FHAD1: variants seen among roughly 807,000 people sequenced by gnomAD.
The protein encoded by FHAD1 is forkhead-associated domain-containing protein 1.
A neutral mutation model predicts 191.3 loss-of-function variants in FHAD1; 146 were observed. That is an observed-to-expected ratio of 0.76 (90% CI 0.67 to 0.88). The LOEUF is 0.88. Ranked by LOEUF, FHAD1 falls within the 40% of genes least tolerant of loss-of-function variation. The probability of loss-of-function intolerance (pLI) is 0.00; values close to 1 mark genes in which losing one functional copy is unlikely to be tolerated. For synonymous variants in FHAD1, 616 were observed against 672.3 expected (o/e 0.92, Z 1.29); for missense variants, 1,635 against 1,785.8 (o/e 0.92, Z 1.52).
chr1:15,351,358 A>T (rs529373215), intron 19 of FHAD1, among the ~76,000 whole-genome samples: 18 of 152,176 alleles, frequency 1.2e-4, no homozygotes, highest in Non-Finnish European at 2.4e-4. Flanking sequence ...AAAAATTAAA[A>T]TTAAAATAAA....
At chr1:15,301,132 T>TA in intron 5 of FHAD1, 73 bp from the exon 6 acceptor site, 2 of 1,363,804 alleles carry the variant, frequency 1.5e-6, no homozygotes, top group South Asian at 2.7e-5. Context: ...ACCCGGCCCC[T>TA]ACTTTTTTTT....
intron 27 of FHAD1, 129 bp downstream of exon 27, chr1:15,374,760 C>A: frequency 1.7e-6 from 2 of 1,172,418 alleles, no homozygotes; most frequent in East Asian, 2.8e-5. Flanking sequence ...TTGTAATACA[C>A]AAAAAGATGG....
intron 27 of FHAD1, among the ~76,000 whole-genome samples, chr1:15,375,286 C>A (rs925505527): frequency 6.6e-6 from 1 of 152,124 alleles, no homozygotes; most frequent in African/African-American, 2.4e-5. Context: ...ACTTGGGGCC[C>A]ACTGCAGGCT....
At chr1:15,237,126 A>G (rs989127248) in intron 1 of FHAD1, among the ~76,000 whole-genome samples, 2 of 152,150 alleles carry the variant, frequency 1.3e-5, no homozygotes, top group African/African-American at 4.8e-5. Flanking sequence ...TCTTTCCTTC[A>G]TAAATTACCC....
chr1:15,364,029 T>C (rs1277597711), intron 23 of FHAD1: 18 of 322,222 alleles, frequency 5.6e-5, no homozygotes, highest in Non-Finnish European at 1.0e-4. Flanking sequence ...CTAGAAACGG[T>C]GGTGCCCATG....
At chr1:15,321,660 T>TTTC (rs371698503) in intron 10 of FHAD1, among the ~76,000 whole-genome samples, 89 of 152,396 alleles carry the variant, frequency 5.8e-4, no homozygotes, top group African/African-American at 2.0e-3. Context: ...CTAGATCATT[T>TTTC]TTCTTCAGCG....
intron 2 of FHAD1, among the ~76,000 whole-genome samples, chr1:15,269,331 A>G (rs942142722): frequency 1.3e-5 from 2 of 152,172 alleles, no homozygotes; most frequent in African/African-American, 4.8e-5. Flanking sequence ...CACTGCTTTC[A>G]CTGCTTCCCA....
At chr1:15,369,562 C>T (rs1368776653) in intron 26 of FHAD1, 60 bp downstream of exon 26, 4 of 1,512,662 alleles carry the variant, frequency 2.6e-6, no homozygotes, top group East Asian at 2.5e-5. Flanking sequence ...CCAGTGGTGG[C>T]TGTCTTTCCT....
chr1:15,336,489 C>G (rs1476800452), intron 14 of FHAD1, among the ~76,000 whole-genome samples: 1 of 151,836 alleles, frequency 6.6e-6, no homozygotes, highest in Non-Finnish European at 1.5e-5. Context: ...CCTGTCTCCC[C>G]TTTCCTCTCC....
chr1:15,296,730 G>A lies in FHAD1; in HGVS notation c.615G>A (p.Gly205=), dbSNP rs1243945312. 6.4e-7 allele frequency: 1 copy of A among 1,552,034 alleles called. No homozygotes were observed. Among genetic ancestry groups the A allele is most frequent in the Non-Finnish European group, 8.7e-7 (1 of 1,147,092 alleles). ...MKLSEKSVAE[G]IPGAVPPAEI... ...TGTCAGAAAAATCAGTGGCCGAGGG[G>A]ATTCCTGGGGCAGTTCCCCCTGCGG... Residue 205 remains glycine (G), a synonymous_variant, in exon 5 of 34, where the codon GGG becomes GGA. Transcript: ENST00000688493.
upstream of FHAD1, among the ~76,000 whole-genome samples, chr1:15,244,350 A>C (rs1010985417): frequency 6.6e-6 from 1 of 152,092 alleles, no homozygotes; most frequent in Non-Finnish European, 1.5e-5. The surrounding 1 kb of genome is among the most constrained non-coding windows in gnomAD (Gnocchi z 5.1). Context: ...TTTCATTGAG[A>C]TATCAGCTAA....
At chr1:15,265,753 C>A (rs553826215) in intron 2 of FHAD1, among the ~76,000 whole-genome samples, 48 of 152,136 alleles carry the variant, frequency 3.2e-4, no homozygotes, top group Admixed American at 8.5e-4. Flanking sequence ...GGGCAGATCA[C>A]CTGAGGTCTG....
rs140088048 is a variant in FHAD1, at chr1:15,304,187, G to A, written c.915+2746G>A. ...CTGATACAATACCCCAAGACAATGC[G>A]TACCGCCATGCGGCCTGCACTGCCT... On this transcript the variant is annotated intron_variant, in intron 6 of 33. Coordinates refer to ENST00000688493, the MANE Select transcript of FHAD1 (RefSeq NM_001391957.1). 4.7e-3 allele frequency among the ~76,000 whole-genome samples: 721 copies of A among 152,310 alleles called. 6 individuals are homozygous for A. The highest frequency in any genetic ancestry group is 0.016 in the African/African-American group (667 of 41,546).
At chr1:15,286,813 G>A (rs577894363) in intron 3 of FHAD1, among the ~76,000 whole-genome samples, 18 of 152,324 alleles carry the variant, frequency 1.2e-4, no homozygotes, top group Admixed American at 5.2e-4. Context: ...TGAGACAGGA[G>A]ACACGCTCAC....
chr1:15,363,862 G>T (rs568909262), intron 23 of FHAD1: 2 of 450,328 alleles, frequency 4.4e-6, no homozygotes, highest in Non-Finnish European at 8.9e-6. Flanking sequence ...GCAGTGGAGG[G>T]ATTCAGAAGC....
chr1:15,331,261 GTAA>G (rs1180835618), intron 14 of FHAD1, among the ~76,000 whole-genome samples: 1 of 151,956 alleles, frequency 6.6e-6, no homozygotes, highest in Non-Finnish European at 1.5e-5. Flanking sequence ...CTGGGGATAG[GTAA>G]TAATGATGTA....
intron 8 of FHAD1, chr1:15,315,217 G>A (rs1468569615): frequency 6.6e-6 from 1 of 152,222 alleles, no homozygotes; most frequent in African/African-American, 2.4e-5. Context: ...AAATTAAAGA[G>A]AGAAGAGAAA....
At chr1:15,377,062 C>T (rs1183116080) in intron 28 of FHAD1, among the ~76,000 whole-genome samples, 3 of 152,260 alleles carry the variant, frequency 2.0e-5, no homozygotes, top group African/African-American at 7.2e-5. Flanking sequence ...GTTGAAGGTG[C>T]CTTTTTACCC....
chr1:15,284,277 G>A (rs894959888), intron 3 of FHAD1, among the ~76,000 whole-genome samples: 5 of 152,020 alleles, frequency 3.3e-5, no homozygotes, highest in Non-Finnish European at 5.9e-5. Context: ...TTAGGAGATC[G>A]AGACCATCCT....
Sources: gnomAD v4.1 joint callset for allele counts (sites outside exome capture counted in the v4.1 genomes callset) on GRCh38, gnomAD v4.1.1 for gene constraint, Gnocchi (gnomAD v3.1) non-coding constraint, MANE v1.5 for transcripts, NCBI Gene and HGNC (gene_info 2026-07-23, HGNC 2026-07-21) for gene names.